CSMD1: variants seen among roughly 807,000 people sequenced by gnomAD.
CSMD1 encodes the protein CUB and Sushi multiple domains 1, also known as CUB and sushi domain-containing protein 1.
CSMD1 carries 213 observed loss-of-function variants against 417.5 expected under a neutral mutation model. The ratio of observed to expected loss-of-function variants is 0.51; its 90% CI spans 0.46 to 0.57. The LOEUF (loss-of-function observed/expected upper bound fraction) is 0.57. CSMD1 is among the 20% of genes least tolerant of loss of function. CSMD1 has a pLI of 0.00. For synonymous variants in CSMD1, 2,862 were observed against 1,736.8 expected, an observed-to-expected ratio of 1.65 and a Z score of -16.11; for missense variants, 6,923 against 4,529.7, an observed-to-expected ratio of 1.53 and a Z score of -15.17.
chr8:4,197,866 A>G (rs1344163774), intron 3 of CSMD1, among the ~76,000 whole-genome samples: 1 of 152,168 alleles, frequency 6.6e-6, no homozygotes, highest in Non-Finnish European at 1.5e-5. Flanking sequence ...GCAACAGAGT[A>G]AGACTCCATC....
At chr8:3,309,891 A>ATCCTT (rs1476700888) in intron 23 of CSMD1, among the ~76,000 whole-genome samples, 2 of 152,134 alleles carry the variant, frequency 1.3e-5, no homozygotes, top group East Asian at 3.8e-4. Flanking sequence ...GACATGCTTG[A>ATCCTT]TCCTTTGCAC....
Position 4,266,815 on chromosome 8 carries a change from G to C in CSMD1, c.415+153138C>G, listed in dbSNP as rs1184072857. 3.8e-5 allele frequency among the ~76,000 whole-genome samples: 4 copies of C among 104,230 alleles called. 1 individual carries two copies. The highest frequency in any genetic ancestry group is 1.8e-4 in the Admixed American group (2 of 10,942). The allele number at this position is 104,230 out of a possible 152,430, so 68.4% of individuals were successfully genotyped here. On this transcript the variant is annotated intron_variant, in intron 3 of 69. Transcript: ENST00000635120. ...GATGAAAACTTAAATAGTGGATTGTGATGACTTTTCATTTACTGCAAAAAT... is the reference window on the plus strand; with the variant it reads ...GATGAAAACTTAAATAGTGGATTGTCATGACTTTTCATTTACTGCAAAAAT...
chr8:3,874,237 T>A (rs1805669177), intron 5 of CSMD1, among the ~76,000 whole-genome samples: 2 of 152,176 alleles, frequency 1.3e-5, no homozygotes, highest in African/African-American at 4.8e-5. Context: ...TTCTAAAGGA[T>A]GAAGAGCATG....
chr8:4,590,341 G>C (rs1196342226), intron 2 of CSMD1, among the ~76,000 whole-genome samples: 1 of 152,048 alleles, frequency 6.6e-6, no homozygotes, highest in Non-Finnish European at 1.5e-5. Flanking sequence ...GTCACATCCA[G>C]AATACATTAA....
At chr8:3,219,816 T>C (rs1330707480) in intron 28 of CSMD1, among the ~76,000 whole-genome samples, 1 of 152,194 alleles carries the variant, frequency 6.6e-6, no homozygotes, top group Non-Finnish European at 1.5e-5. Flanking sequence ...ACTGACCTTT[T>C]ATCTTTATCT....
intron 2 of CSMD1, among the ~76,000 whole-genome samples, chr8:4,562,362 G>C (rs969509038): frequency 2.6e-5 from 4 of 152,154 alleles, no homozygotes; most frequent in Non-Finnish European, 4.4e-5. Flanking sequence ...TGGCACACCA[G>C]AGCCCAAAAG....
At chr8:3,134,682 G>C (rs746233991) in intron 41 of CSMD1, among the ~76,000 whole-genome samples, 6 of 152,192 alleles carry the variant, frequency 3.9e-5, no homozygotes, top group Non-Finnish European at 8.8e-5. Flanking sequence ...AGAATCCAAA[G>C]ACTTCATTTC....
At chr8:3,214,853 C>G (rs1797799148) in intron 29 of CSMD1, among the ~76,000 whole-genome samples, 162 bp from the exon 30 acceptor site, 4 of 152,176 alleles carry the variant, frequency 2.6e-5, no homozygotes, top group African/African-American at 9.6e-5. Context: ...GGCTATTGAC[C>G]AAGTGAAACT....
rs544858351 is a variant in CSMD1, at chr8:3,587,420, CAG to C, written c.1098-1162_1098-1161del. Among the ~76,000 whole-genome samples, 382 of 152,198 alleles carry C rather than the reference CAG, an allele frequency of 2.5e-3. 1 individual carries two copies. In the Middle Eastern group the frequency reaches 0.037, roughly 15 times the overall value. On this transcript the variant is annotated intron_variant, in intron 8 of 69. Transcript: ENST00000635120. ...AAACCACGGGTTGATGTTGAGGAAA[CAG>C]AATTGAAATAAGGAGATGTGAAGGA...
rs150588614 is a variant in CSMD1 at position 3,353,231 on chromosome 8, G to A, written c.3305-5070C>T. Among the ~76,000 whole-genome samples, 982 of 152,260 alleles carry A rather than the reference G, an allele frequency of 6.4e-3. 7 individuals are homozygous for A. Among genetic ancestry groups the A allele is most frequent in the African/African-American group, 0.022 (924 of 41,550 alleles). ...GGGAAGCAACTTTCTGAATGGGATGGGTTACTATTTTACAAAATGTTCTTT... is the reference window on the plus strand; with the variant it reads ...GGGAAGCAACTTTCTGAATGGGATGAGTTACTATTTTACAAAATGTTCTTT... On this transcript the variant is annotated intron_variant, in intron 21 of 69. Transcript: ENST00000635120.
intron 46 of CSMD1, among the ~76,000 whole-genome samples, chr8:3,103,904 C>G (rs1815936393): frequency 6.6e-6 from 1 of 151,932 alleles, no homozygotes; most frequent in African/African-American, 2.4e-5. Flanking sequence ...CCACCACACG[C>G]AGCTAATTTT....
At chr8:3,105,063 G>A (rs183818777) in intron 46 of CSMD1, among the ~76,000 whole-genome samples, 33 of 152,322 alleles carry the variant, frequency 2.2e-4, no homozygotes, top group South Asian at 4.1e-4. Context: ...CAAAACCACT[G>A]CGAAGTCGAT....
intron 3 of CSMD1, among the ~76,000 whole-genome samples, chr8:4,259,970 C>T (rs1037069489): frequency 6.6e-6 from 1 of 151,886 alleles, no homozygotes; most frequent in Admixed American, 6.6e-5. Flanking sequence ...TCTAGTTTTT[C>T]ACTATTGATA....
intron 3 of CSMD1, among the ~76,000 whole-genome samples, chr8:4,049,809 T>C (rs1299301760): frequency 3.3e-5 from 5 of 151,822 alleles, no homozygotes; most frequent in Non-Finnish European, 4.4e-5. Flanking sequence ...TAGCTTTGTA[T>C]GGACATTTCT....
intron 54 of CSMD1, 123 bp downstream of exon 54, chr8:2,997,888 G>T (rs1807052762): frequency 1.1e-6 from 1 of 885,256 alleles, no homozygotes; most frequent in Non-Finnish European, 1.6e-6. Flanking sequence ...CACCTGAATG[G>T]TGAGAGTTTG....
intron 5 of CSMD1, among the ~76,000 whole-genome samples, chr8:3,848,979 T>C (rs1803695668): frequency 6.6e-6 from 1 of 151,324 alleles, no homozygotes; most frequent in African/African-American, 2.4e-5. Context: ...ATACTCCTAG[T>C]TAATCTTATA....
intron 5 of CSMD1, among the ~76,000 whole-genome samples, chr8:3,896,149 G>C (rs147289363): frequency 2.6e-4 from 40 of 152,220 alleles, no homozygotes; most frequent in African/African-American, 9.1e-4. Flanking sequence ...ATTTGATTCA[G>C]TCAATGTAAT....
At chr8:4,235,243 AT>A (rs1801975430) in intron 3 of CSMD1, among the ~76,000 whole-genome samples, 1 of 152,198 alleles carries the variant, frequency 6.6e-6, no homozygotes, top group Non-Finnish European at 1.5e-5. Flanking sequence ...GAACAACATC[AT>A]TTTTGTTAGA....
At chr8:4,237,190 T>C (rs1364219325) in intron 3 of CSMD1, among the ~76,000 whole-genome samples, 2 of 152,208 alleles carry the variant, frequency 1.3e-5, no homozygotes, top group African/African-American at 4.8e-5. Context: ...CTTTCCATAT[T>C]TGCACCAACT....
Sources: allele counts gnomAD v4.1 joint callset (sites outside exome capture counted in the v4.1 genomes callset), GRCh38; gene constraint gnomAD v4.1.1; transcripts MANE v1.5; gene names NCBI Gene and HGNC (gene_info 2026-07-23, HGNC 2026-07-21).